The following VAT1L variants were observed in gnomAD, a reference collection of about 807,000 sequenced individuals.
The protein encoded by VAT1L is vesicle amine transport 1 like.
A neutral mutation model predicts 44.1 loss-of-function variants in VAT1L; 34 were observed. That is an observed-to-expected ratio of 0.77 (90% confidence interval 0.59 to 1.03). The LOEUF (loss-of-function observed/expected upper bound fraction) is 1.03. Among genes scored for constraint, VAT1L ranks in the 50% least tolerant of loss-of-function variants. The probability of loss-of-function intolerance (pLI) is 0.00; values close to 1 mark genes in which losing one functional copy is unlikely to be tolerated. For synonymous variants in VAT1L, 253 were observed against 202.2 expected, an observed-to-expected ratio of 1.25 and a Z score of -2.13; for missense variants, 615 against 538.8, an observed-to-expected ratio of 1.14 and a Z score of -1.40.
rs1227597683 is a variant in VAT1L, at chr16:77,945,298, A to ATTTTTTTTTTT, written c.1078-26552_1078-26551insTTTTTTTTTTT. ...CAGAACTTTTTTTTTTTTTTTTGAG[A>ATTTTTTTTTTT]GAGAGAAAGAGTGTGTCTCACTCTG... On this transcript the variant is annotated intron_variant, in intron 7 of 8. Coordinates refer to ENST00000302536, the MANE Select transcript of VAT1L (RefSeq NM_020927.3). 1.3e-3 allele frequency among the ~76,000 whole-genome samples: 4 copies of ATTTTTTTTTTT among 3,006 alleles called. 1 individual carries two copies. Among genetic ancestry groups the ATTTTTTTTTTT allele is most frequent in the Non-Finnish European group, 4.1e-3 (4 of 964 alleles). The allele number at this position is 3,006 out of a possible 152,430, so 2.0% of individuals were successfully genotyped here. A position where few individuals can be genotyped will look rare whatever the true frequency, so the allele number is the denominator to read the frequency against.
At chr16:77,898,912 C>G (rs1317863790) in intron 7 of VAT1L, among the ~76,000 whole-genome samples, 1 of 152,208 alleles carries the variant, frequency 6.6e-6, no homozygotes, top group Middle Eastern at 3.2e-3. Flanking sequence ...ACCATCTAGT[C>G]TCTGATTACT....
rs764353673 is a variant in VAT1L, at chr16:77,872,388, T to C, written c.723-3982T>C. Among the ~76,000 whole-genome samples the C allele has an allele frequency of 2.2e-4, 34 of 152,268 alleles. 2 individuals carry two copies. In the Middle Eastern group the frequency reaches 0.014, roughly 61 times the overall value. ...TAGGTCAAGCTATCATACTATTCTC[T>C]GAGAAGTGCCTTCCCTTTGTCACCT... On this transcript the variant is annotated intron_variant, in intron 4 of 8. Transcript: ENST00000302536.
rs397854984 is a variant in VAT1L at position 77,797,116 on chromosome 16, C to CTTT, written c.233+8212_233+8214dup. ...CAAAACTGCACTTGTACCCTTAAAT[C>CTTT]TTTTTTTTTTTTTGAGATGGGGTCT... On this transcript the variant is annotated intron_variant, in intron 1 of 8. Coordinates refer to ENST00000302536, the MANE Select transcript of VAT1L (RefSeq NM_020927.3). Among the ~76,000 whole-genome samples, 22 of 145,590 alleles carry CTTT rather than the reference C, an allele frequency of 1.5e-4. 1 individual carries two copies. The highest frequency in any genetic ancestry group is 4.5e-4 in the African/African-American group (18 of 39,846).
At chr16:77,973,730 T>C (rs1162320971) in intron 8 of VAT1L, among the ~76,000 whole-genome samples, 1 of 151,844 alleles carries the variant, frequency 6.6e-6, no homozygotes, top group African/African-American at 2.4e-5. Context: ...AAGTGTTTTT[T>C]TGTTTGTTTG....
At chr16:77,967,795 A>G (rs1290115540) in intron 7 of VAT1L, among the ~76,000 whole-genome samples, 1 of 152,182 alleles carries the variant, frequency 6.6e-6, no homozygotes, top group East Asian at 1.9e-4. Context: ...TCAGATGCTA[A>G]TAACTTGCCA....
At position 77,879,512 on chromosome 16, in the gene VAT1L, A is replaced by T. The variant is rs192568148; in HGVS notation, c.882+288A>T. Among the ~76,000 whole-genome samples, 151 of 152,272 alleles carry T rather than the reference A, an allele frequency of 9.9e-4. No homozygotes were observed. The highest frequency in any genetic ancestry group is 2.7e-3 in the Admixed American group (41 of 15,296). ...CACCGTGTTGGCCAGGATGGTCTCA[A>T]TCTGACCTCGTGATCTGCCCGCCTC... is the stretch of plus-strand genomic sequence containing the variant. On this transcript the variant is annotated intron_variant, in intron 6 of 8. Coordinates refer to ENST00000302536, the MANE Select transcript of VAT1L (RefSeq NM_020927.3). The surrounding 1 kb of genome is among the most constrained non-coding windows in gnomAD (Gnocchi z 4.1).
At position 77,926,146 on chromosome 16, in the gene VAT1L, A is replaced by G. The variant is rs74655497; in HGVS notation, c.1077+41344A>G. Among the ~76,000 whole-genome samples the G allele has an allele frequency of 1.5e-3, 230 of 150,374 alleles. 1 individual carries two copies. The highest frequency in any genetic ancestry group is 0.014 in the Admixed American group (190 of 14,036). The stretch of plus-strand genomic sequence containing the variant: ...CGGGCGCCTGTAGTCCCAGCTACTC[A>G]GGAGGCTGAGGCAGGAGAGTGGCGT... On this transcript the variant is annotated intron_variant, in intron 7 of 8. Transcript: ENST00000302536.
intron 2 of VAT1L, among the ~76,000 whole-genome samples, chr16:77,818,199 A>C (rs948797278): frequency 2.0e-5 from 3 of 152,134 alleles, no homozygotes; most frequent in Non-Finnish European, 1.5e-5. Context: ...GCAGTGCCAA[A>C]ATGCCCTTGA....
At chr16:77,925,054 T>C (rs1230709430) in intron 7 of VAT1L, among the ~76,000 whole-genome samples, 2 of 152,226 alleles carry the variant, frequency 1.3e-5, no homozygotes, top group Non-Finnish European at 2.9e-5. Flanking sequence ...TGGTCCGTTA[T>C]GTAAAGCTCC....
chr16:77,968,257 G>C (rs1243144975), intron 7 of VAT1L, among the ~76,000 whole-genome samples: 1 of 152,014 alleles, frequency 6.6e-6, no homozygotes, highest in African/African-American at 2.4e-5. Context: ...CCCAAGACAG[G>C]GCTCTTGGGT....
At chr16:77,895,392 G>C (rs1196037647) in intron 7 of VAT1L, among the ~76,000 whole-genome samples, 9 of 152,178 alleles carry the variant, frequency 5.9e-5, no homozygotes, top group African/African-American at 2.2e-4. Context: ...GACCTTGCAG[G>C]TGTGACTAAA....
intron 7 of VAT1L, 47 bp from the exon 8 acceptor site, chr16:77,971,803 G>GAACA: frequency 6.3e-7 from 1 of 1,579,310 alleles, no homozygotes; most frequent in Non-Finnish European, 8.6e-7. Context: ...TTTAACTGGG[G>GAACA]AACATCTCGC....
chr16:77,943,871 C>A (rs1444790396), intron 7 of VAT1L, among the ~76,000 whole-genome samples: 3 of 152,124 alleles, frequency 2.0e-5, no homozygotes, highest in Non-Finnish European at 4.4e-5. Flanking sequence ...CCTCCACACC[C>A]ACAGGTGTAG....
chr16:77,941,873 A>G (rs141259134), intron 7 of VAT1L, among the ~76,000 whole-genome samples: 4,083 of 151,926 alleles, frequency 0.027, 148 homozygotes, highest in African/African-American at 0.081. Flanking sequence ...ACAGACACAA[A>G]CCACCACACC....
chr16:77,796,918 T>C (rs1214783118), intron 1 of VAT1L, among the ~76,000 whole-genome samples: 1 of 152,098 alleles, frequency 6.6e-6, no homozygotes, highest in East Asian at 1.9e-4. Flanking sequence ...TAGAAGTGGG[T>C]ACCTATGGCC....
chr16:77,936,023 G>A (rs1192154521), intron 7 of VAT1L, among the ~76,000 whole-genome samples: 1 of 152,006 alleles, frequency 6.6e-6, no homozygotes, highest in African/African-American at 2.4e-5. Flanking sequence ...CCTCTTTTGA[G>A]AATCAGTGAT....
At chr16:77,815,321 C>G (rs1335045126) in intron 1 of VAT1L, among the ~76,000 whole-genome samples, 3 of 152,210 alleles carry the variant, frequency 2.0e-5, no homozygotes, top group East Asian at 1.9e-4. Context: ...ATATCCATGA[C>G]TATTCCTTCA....
Position 77,884,532 on chromosome 16 carries a change from G to A in VAT1L, c.883-76G>A. 2.8e-6 allele frequency: 4 copies of A among 1,450,422 alleles called. No homozygotes were observed. The highest frequency in any genetic ancestry group is 4.2e-5 in the Admixed American group (2 of 47,718). 89.8% of individuals were successfully genotyped at this position (1,450,422 alleles called of 1,614,324 possible). On this transcript the variant is annotated intron_variant, in intron 6 of 8. Coordinates refer to ENST00000302536, the MANE Select transcript of VAT1L (RefSeq NM_020927.3). This position sits in a 1 kb window ranked among gnomAD's most constrained non-coding sequence, Gnocchi z 4.5. ...CCACGTTCCCCCTGTAGTAGCTGATGACATCAGCAATGCTGCCAATGTAGG... is the reference window on the plus strand; with the variant it reads ...CCACGTTCCCCCTGTAGTAGCTGATAACATCAGCAATGCTGCCAATGTAGG...
intron 1 of VAT1L, among the ~76,000 whole-genome samples, chr16:77,816,655 A>AGT (rs1223564621): frequency 6.6e-6 from 1 of 152,208 alleles, no homozygotes; most frequent in Non-Finnish European, 1.5e-5. Flanking sequence ...CTCTTGAATC[A>AGT]GTGTAAACTC....
Sources: allele counts gnomAD v4.1 joint callset (sites outside exome capture counted in the v4.1 genomes callset), GRCh38; gene constraint gnomAD v4.1.1; non-coding constraint Gnocchi (gnomAD v3.1); transcripts MANE v1.5; gene names NCBI Gene and HGNC (gene_info 2026-07-23, HGNC 2026-07-21).